ERBB3: variants seen among roughly 807,000 people sequenced by gnomAD.
ERBB3 encodes receptor tyrosine-protein kinase erbB-3.
A neutral mutation model predicts 156.7 loss-of-function variants in ERBB3; 96 were observed. That is an observed-to-expected ratio of 0.61 (90% CI 0.52 to 0.73). ERBB3 has a LOEUF of 0.73. Ranked by LOEUF, ERBB3 falls within the 30% of genes least tolerant of loss-of-function variation. The pLI is 0.00. For synonymous variants in ERBB3, 567 were observed against 632.0 expected (o/e 0.90, Z 1.54); for missense variants, 1,406 against 1,709.4 (o/e 0.82, Z 3.13).
chr12:56,100,016 A>T lies in ERBB3; in HGVS notation c.3116A>T (p.Asn1039Ile). The change falls in exon 25 of 28, where the codon AAT (asparagine) becomes ATT (isoleucine). Residue 1039 changes from asparagine to isoleucine, a missense_variant. By Grantham distance (149) the Asn-to-Ile change is moderately radical (BLOSUM62 -3). Coordinates refer to ENST00000267101, the MANE Select transcript of ERBB3 (RefSeq NM_001982.4). Reference sequence around the variant, plus strand: ...CTCAGCCTACCAGTTGGAACACTTAATCGGCCACGTGGGGTAAGACAACTT... The same window carrying T: ...CTCAGCCTACCAGTTGGAACACTTATTCGGCCACGTGGGGTAAGACAACTT... Reference protein sequence around the residue: ...SALSLPVGTLNRPRGSQSLLS... With the variant: ...SALSLPVGTLIRPRGSQSLLS... 6.2e-7 allele frequency: 1 copy of T among 1,614,244 alleles called. No individual in the cohort carries two copies. The highest frequency in any genetic ancestry group is 1.1e-5 in the South Asian group (1 of 91,086).
chr12:56,085,246 T>C, intron 3 of ERBB3, 65 bp downstream of exon 3: 3 of 1,613,750 alleles, frequency 1.9e-6, no homozygotes, highest in Non-Finnish European at 1.7e-6. Context: ...ACCTCCTTGA[T>C]GATGACCCAA....
rs1011342233 is a variant in ERBB3, at chr12:56,085,001, C to G, written c.241C>G (p.Arg81Gly). The change falls in exon 3 of 28, where the codon CGA becomes GGA. Residue 81 changes from arginine (R) to glycine (G), a missense_variant. By Grantham distance (125) the Arg-to-Gly change is moderately radical. This residue lies in a region of ERBB3 where 979 missense variants were observed against 1,219.6 expected (regional missense o/e 0.80). Coordinates refer to ENST00000267101, the MANE Select transcript of ERBB3 (RefSeq NM_001982.4). ...ATAATCTGCTCTGTCACAGTGGATT[C>G]GAGAAGTGACAGGCTATGTCCTCGT... ...NADLSFLQWI[R>G]EVTGYVLVAM... is the part of the protein sequence containing the mutation. 6.2e-7 allele frequency: 1 copy of G among 1,613,668 alleles called. No individual in the cohort carries two copies. The highest frequency in any genetic ancestry group is 1.3e-5 in the African/African-American group (1 of 75,020).
intron 9 of ERBB3, among the ~76,000 whole-genome samples, chr12:56,090,739 T>C (rs576214126): frequency 9.3e-4 from 141 of 152,258 alleles, no homozygotes; most frequent in South Asian, 2.9e-3. Flanking sequence ...GCTATTGTTT[T>C]TCTGGACCAC....
rs531851249 is a variant in ERBB3, at chr12:56,089,653, G to A, written c.1109+785G>A. Among the ~76,000 whole-genome samples the A allele has an allele frequency of 2.0e-5, 3 of 151,884 alleles. No homozygotes were observed. The South Asian group carries it at 6.2e-4, about 32-fold the overall frequency. Reference sequence around the variant, plus strand: ...CCAGCTACTCAGGAGGCTGAGGCACGAGAATCACTTGAACCCAGGAGGCGG... The same window carrying A: ...CCAGCTACTCAGGAGGCTGAGGCACAAGAATCACTTGAACCCAGGAGGCGG... On this transcript the variant is annotated intron_variant, in intron 9 of 27. Transcript: ENST00000267101.
intron 5 of ERBB3, 26 bp from the exon 6 acceptor site, chr12:56,087,769 C>T (rs2136793559): frequency 6.2e-7 from 1 of 1,603,722 alleles, no homozygotes; most frequent in African/African-American, 1.3e-5. Flanking sequence ...GGAGCCCTAA[C>T]AGCCATGCTT....
At chr12:56,091,396 G>C (rs375321744) in intron 9 of ERBB3, among the ~76,000 whole-genome samples, 1 of 37,310 alleles carries the variant, frequency 2.7e-5, no homozygotes, top group African/African-American at 1.4e-4. Flanking sequence ...ATATGTGTGT[G>C]TATATATATA....
At chr12:56,086,902 G>A (rs181276733) in intron 4 of ERBB3, among the ~76,000 whole-genome samples, 3 of 152,208 alleles carry the variant, frequency 2.0e-5, no homozygotes, top group Admixed American at 6.5e-5. Flanking sequence ...GGCACTTTGG[G>A]AAGCCAAGGT....
In ERBB3 at chr12:56,094,464, C is replaced by T. The variant is rs2136812970; in HGVS notation, c.1767C>T (p.Cys589=). The T allele has an allele frequency of 6.2e-7, 1 of 1,614,078 alleles. No individual in the cohort carries two copies. The highest frequency in any genetic ancestry group is 2.2e-5 in the East Asian group (1 of 44,882). The change falls in exon 15 of 28, where the codon TGC becomes TGT. Residue 589 remains cysteine, a synonymous_variant. Coordinates refer to ENST00000267101, the MANE Select transcript of ERBB3 (RefSeq NM_001982.4). ...FRDGPHCVSS[C]PHGVLGAKGP... ...ATGGGCCCCACTGTGTGAGCAGCTG[C>T]CCCCATGGAGTCCTAGGTGCCAAGG...
In ERBB3 at chr12:56,080,360, C is replaced by T. The variant is rs1254446175; in HGVS notation, c.60C>T (p.Ser20=). 2 of 1,594,546 alleles carry T rather than the reference C, an allele frequency of 1.3e-6. No individual in the cohort carries two copies. The highest frequency in any genetic ancestry group is 2.3e-5 in the East Asian group (1 of 44,126). The change falls in exon 1 of 28, where the codon TCC becomes TCT. Residue 20 remains serine, a synonymous_variant. Coordinates refer to ENST00000267101, the MANE Select transcript of ERBB3 (RefSeq NM_001982.4). ...TGCTTTTCAGCCTGGCCCGGGGCTC[C>T]GAGGTGGGCAACTCTCAGGCAGGTA... ...LGLLFSLARG[S]EVGNSQAVCP...
intron 9 of ERBB3, among the ~76,000 whole-genome samples, chr12:56,091,410 ATTT>A (rs200790453): frequency 1.6e-5 from 1 of 61,158 alleles, no homozygotes. Context: ...ATATATATAT[ATTT>A]TTTTTTTTTT....
chr12:56,089,074 C>A (rs890598417), intron 9 of ERBB3: 1 of 675,690 alleles, frequency 1.5e-6, no homozygotes, highest in African/African-American at 1.8e-5. Flanking sequence ...AATTCAATAT[C>A]GCCCTGCCAA....
chr12:56,085,535 A>C (rs1868449912), intron 3 of ERBB3: 1 of 897,984 alleles, frequency 1.1e-6, no homozygotes, highest in South Asian at 4.4e-5. Context: ...ACTTGAGATC[A>C]GGAGTTTGAG....
At chr12:56,081,663 G>A (rs1868355273) in intron 1 of ERBB3, among the ~76,000 whole-genome samples, 1 of 152,050 alleles carries the variant, frequency 6.6e-6, no homozygotes, top group African/African-American at 2.4e-5. Flanking sequence ...CACCCTCCCT[G>A]GGGAGGCAGG....
chr12:56,103,432 C>T lies in ERBB3; in HGVS notation c.*1377C>T, dbSNP rs190031571. 12,329 of 211,048 alleles carry T rather than the reference C, an allele frequency of 0.058. 1,558 individuals are homozygous for T. Among genetic ancestry groups the T allele is most frequent in the African/African-American group, 0.26 (11,612 of 44,078 alleles). The allele number at this position is 211,048 out of a possible 1,614,324, so 13.1% of individuals were successfully genotyped here. On this transcript the variant is annotated 3_prime_UTR_variant, in exon 28 of 28. Transcript: ENST00000267101. ...CCTTGGATGGGGAACTAAGGGAAAACGTCTGTTGTATCACTGAAGTTTTTT... is the reference window on the plus strand; with the variant it reads ...CCTTGGATGGGGAACTAAGGGAAAATGTCTGTTGTATCACTGAAGTTTTTT...
At chr12:56,085,331 G>A (rs1868442911) in intron 3 of ERBB3, 150 bp downstream of exon 3, 1 of 1,507,756 alleles carries the variant, frequency 6.6e-7, no homozygotes, top group Non-Finnish European at 8.9e-7. Context: ...TGCTCCCTAA[G>A]CAATAGAGGG....
At position 56,098,839 on chromosome 12, in the gene ERBB3, G is replaced by GA; in HGVS notation, c.2774dup (p.Lys926GlufsTer14). Reference sequence around the variant, plus strand: ...ATTGGCTGAAGTACCAGACCTGCTAGAGAAGGGGGAGCGGTTGGCACAGCC... The same window carrying GA: ...ATTGGCTGAAGTACCAGACCTGCTAGAAGAAGGGGGAGCGGTTGGCACAGCC... On this transcript the variant is annotated frameshift_variant, in exon 23 of 28. Coordinates refer to ENST00000267101, the MANE Select transcript of ERBB3 (RefSeq NM_001982.4). LOFTEE classifies it high-confidence loss of function. The GA allele has an allele frequency of 6.2e-7, 1 of 1,614,132 alleles. No homozygotes were observed. Among genetic ancestry groups the GA allele is most frequent in the Non-Finnish European group, 8.5e-7 (1 of 1,179,982 alleles).
chr12:56,084,238 G>A (rs574810605), intron 2 of ERBB3, among the ~76,000 whole-genome samples: 1 of 152,238 alleles, frequency 6.6e-6, no homozygotes, highest in East Asian at 1.9e-4. Context: ...GGCACTTTGA[G>A]GAGAAAGCTG....
chr12:56,082,440 GCT>G (rs909997697), intron 1 of ERBB3, among the ~76,000 whole-genome samples: 7 of 152,118 alleles, frequency 4.6e-5, no homozygotes, highest in Non-Finnish European at 8.8e-5. Flanking sequence ...TCTGGAACTA[GCT>G]CTCTTTGCTG....
intron 1 of ERBB3, 107 bp from the exon 2 acceptor site, chr12:56,083,644 T>C: frequency 3.2e-6 from 4 of 1,266,808 alleles, no homozygotes; most frequent in Non-Finnish European, 4.6e-6. Flanking sequence ...TCTGATCCTG[T>C]CTAATGTAAC....
Sources: allele counts gnomAD v4.1 joint callset (sites outside exome capture counted in the v4.1 genomes callset), GRCh38; gene constraint gnomAD v4.1.1; regional missense constraint gnomAD v4.1.1; transcripts MANE v1.5; gene names NCBI Gene and HGNC (gene_info 2026-07-23, HGNC 2026-07-21).